The following MOCOS variants were observed in gnomAD, a reference collection of about 807,000 sequenced individuals.
MOCOS encodes the protein human molybdenum cofactor sulfurase.
A neutral mutation model predicts 83.6 loss-of-function variants in MOCOS; 86 were observed. The ratio of observed to expected loss-of-function variants is 1.03; its 90% CI spans 0.86 to 1.23. The LOEUF (loss-of-function observed/expected upper bound fraction) is 1.23, where lower values mean the gene tolerates loss of function less well. Among genes scored for constraint, MOCOS ranks in the 50% most tolerant of loss-of-function variants. MOCOS has a pLI of 0.00. For synonymous variants in MOCOS, 445 were observed against 434.7 expected (o/e 1.02, Z -0.29); for missense variants, 1,120 against 1,126.9 (o/e 0.99, Z 0.09).
chr18:36,259,473 A>G (rs2091654495), intron 12 of MOCOS, among the ~76,000 whole-genome samples: 1 of 147,258 alleles, frequency 6.8e-6, no homozygotes, highest in African/African-American at 2.5e-5. Context: ...AAAAGGTATC[A>G]GAAAAATAGC....
chr18:36,248,813 A>G, intron 9 of MOCOS, 109 bp from the exon 10 acceptor site: 1 of 860,384 alleles, frequency 1.2e-6, no homozygotes, highest in African/African-American at 1.7e-5. Context: ...GTCTATTTTT[A>G]TGTCAGTACC....
At chr18:36,223,183 T>A (rs889070590) in intron 9 of MOCOS, among the ~76,000 whole-genome samples, 1 of 152,152 alleles carries the variant, frequency 6.6e-6, no homozygotes, top group Non-Finnish European at 1.5e-5. Flanking sequence ...TGTCATGAAG[T>A]TTTTCCCCTA....
chr18:36,252,860 C>G (rs2091627143), intron 11 of MOCOS, among the ~76,000 whole-genome samples: 1 of 152,130 alleles, frequency 6.6e-6, no homozygotes, highest in Non-Finnish European at 1.5e-5. Context: ...ATGTAATGTA[C>G]TTAGAGTTTT....
chr18:36,248,892 A>G (rs754980380), intron 9 of MOCOS, 30 bp from the exon 10 acceptor site: 3 of 1,580,918 alleles, frequency 1.9e-6, no homozygotes, highest in Non-Finnish European at 2.6e-6. Context: ...TTACATAATG[A>G]TAAATTTGTT....
chr18:36,214,938 G>C (rs138663702), intron 7 of MOCOS, among the ~76,000 whole-genome samples: 24 of 152,194 alleles, frequency 1.6e-4, no homozygotes, highest in Admixed American at 3.3e-4. Context: ...AGCCGGGCTC[G>C]GAGACTGAGA....
intron 8 of MOCOS, among the ~76,000 whole-genome samples, chr18:36,217,116 A>G (rs1211222213): frequency 1.3e-5 from 2 of 152,200 alleles, no homozygotes; most frequent in Non-Finnish European, 2.9e-5. Flanking sequence ...TGGAATCTGA[A>G]TGGAGTCTAT....
rs377621224 is a variant in MOCOS at position 36,267,149 on chromosome 18, T to C, written c.2514+296T>C. Among the ~76,000 whole-genome samples the C allele has an allele frequency of 2.1e-4, 32 of 152,238 alleles. 1 individual carries two copies. The highest frequency in any genetic ancestry group is 1.2e-3 in the East Asian group (6 of 5,206). ...TCTGTTGTCTTGATCATTATTTTCT[T>C]TAACACAGAGAGCTCATGAAGAGTA... On this transcript the variant is annotated intron_variant, in intron 14 of 14. Coordinates refer to ENST00000261326, the MANE Select transcript of MOCOS (RefSeq NM_017947.4).
In MOCOS at chr18:36,200,357, T is replaced by C. The variant is rs759090499; in HGVS notation, c.941+33T>C. ...TGCCACAGGGGAGGGGTCAGAGGAG[T>C]TCAGCAAGGTGGGGTCTGGCCTGTT... On this transcript the variant is annotated intron_variant, in intron 4 of 14. Transcript: ENST00000261326. The C allele has an allele frequency of 5.5e-5, 89 of 1,612,308 alleles. No individual in the cohort carries two copies. The Middle Eastern group carries it at 8.2e-4, about 15-fold the overall frequency.
At chr18:36,215,463 T>C in intron 7 of MOCOS, 53 bp from the exon 8 acceptor site, 11 of 1,544,954 alleles carry the variant, frequency 7.1e-6, no homozygotes, top group African/African-American at 1.4e-5. Flanking sequence ...CTGTTTCCAG[T>C]GTCTCTATGA....
chr18:36,211,562 C>G (rs1287836722), intron 6 of MOCOS, among the ~76,000 whole-genome samples: 1 of 152,098 alleles, frequency 6.6e-6, no homozygotes, highest in Non-Finnish European at 1.5e-5. Context: ...GGCATTGTGG[C>G]TGGGCCTGTT....
intron 9 of MOCOS, among the ~76,000 whole-genome samples, chr18:36,221,201 G>A (rs1405361958): frequency 6.6e-6 from 1 of 152,220 alleles, no homozygotes; most frequent in Non-Finnish European, 1.5e-5. Context: ...AATGTGGCTA[G>A]TGGGACACTA....
intron 9 of MOCOS, among the ~76,000 whole-genome samples, chr18:36,230,873 T>C (rs2091535256): frequency 6.6e-6 from 1 of 152,222 alleles, no homozygotes; most frequent in African/African-American, 2.4e-5. Context: ...TAGGTTCTGA[T>C]TTCCATGTCA....
chr18:36,268,427 C>G, intron 14 of MOCOS, 106 bp from the exon 15 acceptor site: 1 of 1,414,936 alleles, frequency 7.1e-7, no homozygotes, highest in Non-Finnish European at 9.9e-7. Context: ...CAGTATATGT[C>G]TTTAAAAATC....
At position 36,215,828 on chromosome 18, in the gene MOCOS, G is replaced by A; in HGVS notation, c.1648G>A (p.Ala550Thr). The A allele has an allele frequency of 6.2e-7, 1 of 1,614,260 alleles. No individual in the cohort carries two copies. Among genetic ancestry groups the A allele is most frequent in the Non-Finnish European group, 8.5e-7 (1 of 1,180,040 alleles). The change falls in exon 8 of 15, where the codon GCT becomes ACT. Residue 550 changes from alanine to threonine, a missense_variant. Transcript: ENST00000261326. ...RVWNNSSTVNAVPVAPPVCDV... is the reference protein window; with the variant it reads ...RVWNNSSTVNTVPVAPPVCDV... The stretch of plus-strand genomic sequence containing the variant: ...TTGGAACAACTCGTCTACTGTGAAT[G>A]CTGTGCCTGTGGCCCCACCTGTGTG...
chr18:36,207,626 C>T (rs957359345), intron 6 of MOCOS, among the ~76,000 whole-genome samples: 4 of 152,024 alleles, frequency 2.6e-5, no homozygotes, highest in African/African-American at 9.7e-5. Flanking sequence ...ATGTTCTTTG[C>T]CCATTTTTAA....
intron 9 of MOCOS, among the ~76,000 whole-genome samples, chr18:36,222,162 T>C (rs932824142): frequency 6.6e-6 from 1 of 152,238 alleles, no homozygotes; most frequent in Non-Finnish European, 1.5e-5. Context: ...ATCCATATCT[T>C]GGCTATTGGA....
chr18:36,189,306 G>A (rs1445837200), intron 1 of MOCOS, among the ~76,000 whole-genome samples: 2 of 152,058 alleles, frequency 1.3e-5, no homozygotes, highest in Non-Finnish European at 2.9e-5. Flanking sequence ...TAGTGTTGTG[G>A]GCATCTTTTA....
At chr18:36,225,798 G>T (rs2091513041) in intron 9 of MOCOS, among the ~76,000 whole-genome samples, 1 of 151,780 alleles carries the variant, frequency 6.6e-6, no homozygotes, top group East Asian at 1.9e-4. Flanking sequence ...TTGATCAAAT[G>T]GTCATTTAAG....
chr18:36,246,529 C>A (rs2096886), intron 9 of MOCOS, among the ~76,000 whole-genome samples: 1 of 152,070 alleles, frequency 6.6e-6, no homozygotes, highest in Admixed American at 6.5e-5. Flanking sequence ...GTGAAGGTGG[C>A]GGGGAGTAAA....
Sources: gnomAD v4.1 joint callset for allele counts (sites outside exome capture counted in the v4.1 genomes callset) on GRCh38, gnomAD v4.1.1 for gene constraint, MANE v1.5 for transcripts, NCBI Gene and HGNC (gene_info 2026-07-23, HGNC 2026-07-21) for gene names.